Variants in WWP2 observed in about 807,000 individuals in gnomAD.
WWP2 encodes the protein NEDD4-like E3 ubiquitin-protein ligase WWP2.
WWP2 carries 57 observed loss-of-function variants against 121.0 expected under a neutral mutation model. The ratio of observed to expected loss-of-function variants is 0.47; its 90% CI spans 0.38 to 0.59. WWP2 has a LOEUF of 0.59. Ranked by LOEUF, WWP2 falls within the 20% of genes least tolerant of loss-of-function variation. The pLI is 0.00. For missense variants in WWP2, 962 were observed against 1,158.9 expected (o/e 0.83, Z 2.47); for synonymous variants, 449 against 441.3 (o/e 1.02, Z -0.22).
At chr16:69,892,250 G>A (rs931159148) in intron 8 of WWP2, among the ~76,000 whole-genome samples, 1 of 151,632 alleles carries the variant, frequency 6.6e-6, no homozygotes, top group African/African-American at 2.4e-5. Flanking sequence ...GTGCAGTTTC[G>A]TTACATAGGT....
rs187910889 is a variant in WWP2 at position 69,865,313 on chromosome 16, G to T, written c.576-6491G>T. ...GATCCGCCTGCCTCAGCCTCCCAAA[G>T]TGCTGGGATTACAGGCATGAGCCAC... On this transcript the variant is annotated intron_variant, in intron 6 of 23. Coordinates refer to ENST00000359154, the MANE Select transcript of WWP2 (RefSeq NM_001270454.2). Among the ~76,000 whole-genome samples, 1,304 of 152,264 alleles carry T rather than the reference G, an allele frequency of 8.6e-3. 9 individuals carry two copies. Among genetic ancestry groups the T allele is most frequent in the Non-Finnish European group, 0.013 (885 of 68,018 alleles).
chr16:69,809,333 A>G lies in WWP2; in HGVS notation c.340+10038A>G, dbSNP rs902171221. On this transcript the variant is annotated intron_variant, in intron 4 of 23. Coordinates refer to ENST00000359154, the MANE Select transcript of WWP2 (RefSeq NM_001270454.2). The stretch of plus-strand genomic sequence containing the variant: ...GCCAGGTTATTTCTGGTAATTGCAA[A>G]TCTTCCCAAAGATGGGGAGGTTTGA... 2.0e-5 allele frequency among the ~76,000 whole-genome samples: 3 copies of G among 152,270 alleles called. No homozygotes were observed. In the East Asian group the frequency reaches 5.8e-4, roughly 29 times the overall value.
At position 69,888,142 on chromosome 16, in the gene WWP2, G is replaced by T. The variant is rs540833186; in HGVS notation, c.807G>T (p.Thr269=). ...TGAGTGTGACCCCGAATCCCAACAC[G>T]ACTTCTCTCCCTGCCCCAGCCACAC... ...APLSVTPNPN[T]TSLPAPATPA... The change falls in exon 8 of 24, where the codon ACG becomes ACT. Residue 269 remains threonine, a synonymous_variant. Transcript: ENST00000359154. 3 of 1,614,120 alleles carry T rather than the reference G, an allele frequency of 1.9e-6. No individual in the cohort carries two copies. Among genetic ancestry groups the T allele is most frequent in the Admixed American group, 3.3e-5 (2 of 60,010 alleles).
chr16:69,858,513 C>T (rs1028096451), intron 6 of WWP2, among the ~76,000 whole-genome samples: 53 of 152,228 alleles, frequency 3.5e-4, no homozygotes, highest in Admixed American at 5.2e-4. Context: ...GAAGAGGGGG[C>T]GCCCTTTATC....
At chr16:69,822,795 T>G (rs1407134280) in intron 4 of WWP2, among the ~76,000 whole-genome samples, 1 of 152,026 alleles carries the variant, frequency 6.6e-6, no homozygotes, top group African/African-American at 2.4e-5. Context: ...AAACAGAATT[T>G]GAGGTGTGTG....
rs1340621690 is a variant in WWP2 at position 69,778,269 on chromosome 16, C to T, written c.-15-8727C>T. 1.3e-5 allele frequency among the ~76,000 whole-genome samples: 2 copies of T among 150,276 alleles called. 1 individual carries two copies. The highest frequency in any genetic ancestry group is 4.9e-5 in the African/African-American group (2 of 40,734). ...GACATTTTGACTTTCCCATCCCCCT[C>T]CCAATAAGTCCATTAGTTTCTTCAA... On this transcript the variant is annotated intron_variant, in intron 1 of 23. Coordinates refer to ENST00000359154, the MANE Select transcript of WWP2 (RefSeq NM_001270454.2).
In WWP2 at chr16:69,935,763, G is replaced by A. The variant is rs2058788160; in HGVS notation, c.1843-90G>A. The A allele has an allele frequency of 5.9e-6, 9 of 1,521,954 alleles. No homozygotes were observed. In the East Asian group the frequency reaches 1.8e-4, roughly 31 times the overall value. The allele number at this position is 1,521,954 out of a possible 1,614,324, so 94.3% of individuals were successfully genotyped here. ...TGTCAGGGAAGGAAGGCGGGTAGCG[G>A]TAGCAGAGTTTGATACCGAGCATCT... On this transcript the variant is annotated intron_variant, in intron 17 of 23. Coordinates refer to ENST00000359154, the MANE Select transcript of WWP2 (RefSeq NM_001270454.2). The surrounding 1 kb of genome is among the most constrained non-coding windows in gnomAD (Gnocchi z 5.2).
chr16:69,798,598 TA>T (rs1176357271), intron 2 of WWP2, 83 bp from the exon 3 acceptor site: 17 of 1,455,636 alleles, frequency 1.2e-5, no homozygotes, highest in Non-Finnish European at 1.6e-5. Context: ...AAGCAATAAC[TA>T]AAAAGAGCCG....
chr16:69,869,784 C>T (rs1405723485), intron 6 of WWP2, among the ~76,000 whole-genome samples: 1 of 152,124 alleles, frequency 6.6e-6, no homozygotes, highest in African/African-American at 2.4e-5. Flanking sequence ...TTATGTTCAT[C>T]TTGTCAAATT....
chr16:69,884,187 C>A (rs2057882441), intron 7 of WWP2, among the ~76,000 whole-genome samples: 1 of 152,160 alleles, frequency 6.6e-6, no homozygotes, highest in South Asian at 2.1e-4. Flanking sequence ...CAAATGATAG[C>A]ACAATTATAC....
At chr16:69,800,938 T>TA (rs2056151188) in intron 4 of WWP2, among the ~76,000 whole-genome samples, 1 of 149,564 alleles carries the variant, frequency 6.7e-6, no homozygotes, top group Admixed American at 6.6e-5. Context: ...GTAATCCCAG[T>TA]ACTTTGGGAG....
intron 4 of WWP2, among the ~76,000 whole-genome samples, chr16:69,821,818 A>G (rs2056597992): frequency 6.8e-6 from 1 of 146,686 alleles, no homozygotes; most frequent in African/African-American, 2.5e-5. Flanking sequence ...TCGGCCTCCC[A>G]AAGAGCTGGG....
At chr16:69,837,952 G>T (rs1292772174) in intron 4 of WWP2, among the ~76,000 whole-genome samples, 1 of 152,164 alleles carries the variant, frequency 6.6e-6, no homozygotes, top group Non-Finnish European at 1.5e-5. Context: ...CTAGGGCGCG[G>T]TGGCTCACTC....
In WWP2 at chr16:69,851,084, T is replaced by TA. The variant is rs574922887; in HGVS notation, c.575+8965dup. Among the ~76,000 whole-genome samples, 761 of 151,176 alleles carry TA rather than the reference T, an allele frequency of 5.0e-3. 7 individuals carry two copies. The highest frequency in any genetic ancestry group is 6.5e-3 in the Non-Finnish European group (439 of 67,780). ...GGAGTGCAGTGGCTCAATCTCAGCT[T>TA]ACTGCAACCTCTGCCTCCCAGGTTC... On this transcript the variant is annotated intron_variant, in intron 6 of 23. Transcript: ENST00000359154.
chr16:69,924,879 T>G, intron 10 of WWP2: 2 of 970,828 alleles, frequency 2.1e-6, no homozygotes, highest in African/African-American at 1.8e-5. Context: ...AGATGGGAGG[T>G]TGGGGGGGAC....
At chr16:69,865,509 A>G (rs2057504834) in intron 6 of WWP2, among the ~76,000 whole-genome samples, 1 of 152,234 alleles carries the variant, frequency 6.6e-6, no homozygotes, top group African/African-American at 2.4e-5. Context: ...CTTCATTTCT[A>G]AAGGGGGGGT....
At chr16:69,872,039 A>T in intron 7 of WWP2, 108 bp downstream of exon 7, 1 of 1,457,674 alleles carries the variant, frequency 6.9e-7, no homozygotes, top group Non-Finnish European at 9.1e-7. Flanking sequence ...GGTGGGCGTC[A>T]GAAGGCTCTA....
chr16:69,907,594 C>G (rs1029403528), intron 8 of WWP2, among the ~76,000 whole-genome samples: 12 of 152,116 alleles, frequency 7.9e-5, no homozygotes, highest in African/African-American at 2.9e-4. Context: ...ATATAGGTTA[C>G]TATATTCTGG....
chr16:69,798,908 C>T, intron 3 of WWP2, 79 bp downstream of exon 3: 1 of 1,561,130 alleles, frequency 6.4e-7, no homozygotes, highest in South Asian at 1.2e-5. Context: ...GTGGGAGGTA[C>T]AGATTCCCTG....
Sources: gnomAD v4.1 joint callset for allele counts (sites outside exome capture counted in the v4.1 genomes callset) on GRCh38, gnomAD v4.1.1 for gene constraint, Gnocchi (gnomAD v3.1) non-coding constraint, MANE v1.5 for transcripts, NCBI Gene and HGNC (gene_info 2026-07-23, HGNC 2026-07-21) for gene names.